The following LRP1B variants were observed in gnomAD, a reference collection of about 807,000 sequenced individuals.
LRP1B encodes LDL receptor related protein 1B, also known as low-density lipoprotein receptor-related protein 1B.
In LRP1B, 217 loss-of-function variants were observed where a neutral mutation model predicts 556.6. The observed-to-expected ratio is 0.39, with a 90% CI of 0.35 to 0.44. LRP1B has a LOEUF of 0.44. Ranked by LOEUF, LRP1B falls within the 20% of genes least tolerant of loss-of-function variation. LRP1B has a pLI of 1.00. For missense variants in LRP1B, 5,053 were observed against 5,620.8 expected (o/e 0.90, Z 3.23); for synonymous variants, 2,047 against 1,865.8 (o/e 1.10, Z -2.50).
rs1687808165 is a variant in LRP1B, at chr2:140,472,431, G to C, written c.9625+2707C>G. On this transcript the variant is annotated intron_variant, in intron 60 of 90. Coordinates refer to ENST00000389484, the MANE Select transcript of LRP1B (RefSeq NM_018557.3). The stretch of plus-strand genomic sequence containing the variant: ...AGTGATACAGAGAAATAAAGATTAG[G>C]GAGAGGTTCATGTGACTAAGATTGC... 2.6e-5 allele frequency among the ~76,000 whole-genome samples: 4 copies of C among 151,968 alleles called. No individual in the cohort carries two copies. The South Asian group carries it at 6.2e-4, about 24-fold the overall frequency.
intron 1 of LRP1B, among the ~76,000 whole-genome samples, chr2:141,993,711 C>A (rs1702407235): frequency 6.6e-6 from 1 of 152,100 alleles, no homozygotes; most frequent in Admixed American, 6.6e-5. Flanking sequence ...AAATGTCAGT[C>A]CTATAGGTGA....
chr2:140,373,185 C>T lies in LRP1B; in HGVS notation c.10639-48G>A, dbSNP rs753472789. ...AATCAAAATTAAAATTTTAGAAACA[C>T]TTCTACACACTCAAAAGACAAGAAA... is the stretch of plus-strand genomic sequence containing the variant. On this transcript the variant is annotated intron_variant, in intron 68 of 90. Transcript: ENST00000389484. 11 of 1,506,396 alleles carry T rather than the reference C, an allele frequency of 7.3e-6. No individual in the cohort carries two copies. The South Asian group carries it at 1.0e-4, about 14-fold the overall frequency. The allele number at this position is 1,506,396 out of a possible 1,614,324, so 93.3% of individuals were successfully genotyped here. A position where few individuals can be genotyped will look rare whatever the true frequency, so the allele number is the denominator to read the frequency against.
At chr2:141,686,001 T>C (rs1691288292) in intron 2 of LRP1B, among the ~76,000 whole-genome samples, 2 of 152,078 alleles carry the variant, frequency 1.3e-5, no homozygotes, top group Admixed American at 6.6e-5. Context: ...TGTTTTCATA[T>C]GGAAAACAAA....
chr2:141,137,452 A>C (rs1701518565), intron 7 of LRP1B, among the ~76,000 whole-genome samples: 1 of 151,978 alleles, frequency 6.6e-6, no homozygotes, highest in Non-Finnish European at 1.5e-5. Flanking sequence ...AAAGGTTTCC[A>C]GGAACTGCTT....
rs569296877 is a variant in LRP1B at position 140,506,698 on chromosome 2, G to A, written c.8521+98C>T. On this transcript the variant is annotated intron_variant, in intron 53 of 90. Coordinates refer to ENST00000389484, the MANE Select transcript of LRP1B (RefSeq NM_018557.3). ...ATTCACTGGGTGTTGATGACACTAA[G>A]AAATGTGTTGCTTGTTGCTTTAGTT... 56 of 1,290,528 alleles carry A rather than the reference G, an allele frequency of 4.3e-5. No homozygotes were observed. The African/African-American group carries it at 6.9e-4, about 16-fold the overall frequency. The allele number at this position is 1,290,528 out of a possible 1,614,324, so 79.9% of individuals were successfully genotyped here.
chr2:141,594,864 T>C (rs558307289), intron 2 of LRP1B, among the ~76,000 whole-genome samples: 1 of 152,286 alleles, frequency 6.6e-6, no homozygotes, highest in Non-Finnish European at 1.5e-5. Flanking sequence ...GTATGCCATC[T>C]TATTGTCAAG....
chr2:140,514,789 A>T lies in LRP1B; in HGVS notation c.8150-17T>A, dbSNP rs1558935655. On this transcript the variant is annotated splice_polypyrimidine_tract_variant and intron_variant, in intron 50 of 90. Transcript: ENST00000389484. ...AAGAAGAATCTAGGAAACAAACAAA[A>T]GGAAAAAAAAAAATAGTTTGAGACC... 6.2e-7 allele frequency: 1 copy of T among 1,600,982 alleles called. No homozygotes were observed. Among genetic ancestry groups the T allele is most frequent in the Non-Finnish European group, 8.5e-7 (1 of 1,173,778 alleles).
intron 66 of LRP1B, among the ~76,000 whole-genome samples, chr2:140,436,211 C>T (rs896238119): frequency 6.6e-6 from 1 of 152,014 alleles, no homozygotes; most frequent in Admixed American, 6.6e-5. Context: ...AAAATAAGTT[C>T]CCCACCCTAC....
chr2:142,065,650 T>C (rs1162473458), intron 1 of LRP1B, among the ~76,000 whole-genome samples: 1 of 151,378 alleles, frequency 6.6e-6, no homozygotes, highest in Admixed American at 6.6e-5. Context: ...AATTAGGATG[T>C]GGAGATCTTT....
chr2:142,030,219 G>A (rs891639381), intron 1 of LRP1B, among the ~76,000 whole-genome samples: 2 of 151,932 alleles, frequency 1.3e-5, no homozygotes, highest in African/African-American at 4.8e-5. Context: ...CATAAAACCA[G>A]TTGCAATTAT....
At chr2:140,700,793 C>T (rs1452552317) in intron 40 of LRP1B, among the ~76,000 whole-genome samples, 172 bp from the exon 41 acceptor site, 1 of 152,208 alleles carries the variant, frequency 6.6e-6, no homozygotes, top group Non-Finnish European at 1.5e-5. Flanking sequence ...TAAAAAATCA[C>T]AGCAGTTTAA....
chr2:142,020,815 A>C (rs1019396073), intron 1 of LRP1B, among the ~76,000 whole-genome samples: 2 of 152,222 alleles, frequency 1.3e-5, no homozygotes, highest in Non-Finnish European at 2.9e-5. Context: ...GTGGTCATAC[A>C]TCTTCTAATT....
At position 140,959,945 on chromosome 2, in the gene LRP1B, C is replaced by T. The variant is rs1048577535; in HGVS notation, c.2888-8005G>A. Among the ~76,000 whole-genome samples, 4 of 151,610 alleles carry T rather than the reference C, an allele frequency of 2.6e-5. No homozygotes were observed. The East Asian group carries it at 7.7e-4, about 29-fold the overall frequency. ...AGCACAAGGAATAGACACTTCAGGG[C>T]CCTGAAGTAGTAGTGAGGTTGCCTG... On this transcript the variant is annotated intron_variant, in intron 18 of 90. Transcript: ENST00000389484.
intron 41 of LRP1B, among the ~76,000 whole-genome samples, chr2:140,645,138 G>A (rs775068699): frequency 1.4e-4 from 21 of 151,790 alleles, no homozygotes; most frequent in Non-Finnish European, 4.4e-5. Context: ...GGTCTAATTT[G>A]GATTTTACCA....
At position 140,233,170 on chromosome 2, in the gene LRP1B, TA is replaced by T. The variant is rs1186194555; in HGVS notation, c.*15del. 6.5e-7 allele frequency: 1 copy of T among 1,543,442 alleles called. No individual in the cohort carries two copies. The highest frequency in any genetic ancestry group is 8.9e-7 in the Non-Finnish European group (1 of 1,123,730). On this transcript the variant is annotated 3_prime_UTR_variant, in exon 91 of 91. Transcript: ENST00000389484. Reference sequence around the variant, plus strand: ...ATATTTTATACATTTATACAGCATATAAAAGATATCACTGATTATGCCACTG... The same window carrying T: ...ATATTTTATACATTTATACAGCATATAAAGATATCACTGATTATGCCACTG...
chr2:140,919,604 C>T (rs1694679203), intron 21 of LRP1B, among the ~76,000 whole-genome samples: 1 of 152,034 alleles, frequency 6.6e-6, no homozygotes, highest in African/African-American at 2.4e-5. Flanking sequence ...ATCTGAGCAC[C>T]CATTCATTTC....
intron 87 of LRP1B, among the ~76,000 whole-genome samples, chr2:140,245,891 T>A (rs1201254357): frequency 1.3e-5 from 2 of 151,216 alleles, no homozygotes; most frequent in Non-Finnish European, 3.0e-5. Flanking sequence ...GCACACAAAT[T>A]CTAAGATCAA....
At position 141,049,081 on chromosome 2, in the gene LRP1B, G is replaced by C. The variant is rs2105445799; in HGVS notation, c.1694C>G (p.Ala565Gly). The C allele has an allele frequency of 6.2e-7, 1 of 1,613,632 alleles. No individual in the cohort carries two copies. ...LVNPRALDFH[A>G]ETNYIYFADT... Reference sequence around the variant, plus strand: ...AGCAAAGTAGATGTAATTGGTTTCTGCGTGAAAGTCTAAAGCACGAGGGTT... The same window carrying C: ...AGCAAAGTAGATGTAATTGGTTTCTCCGTGAAAGTCTAAAGCACGAGGGTT... The change falls in exon 11 of 91, where the codon GCA becomes GGA. Residue 565 changes from alanine to glycine, a missense_variant. Ala to Gly is a moderately conservative substitution (Grantham distance 60, BLOSUM62 0). This residue lies in a region of LRP1B where 3,619 missense variants were observed against 3,931.9 expected (regional missense o/e 0.92). Transcript: ENST00000389484.
At chr2:140,331,690 T>C (rs1003133430) in intron 79 of LRP1B, among the ~76,000 whole-genome samples, 2 of 120,710 alleles carry the variant, frequency 1.7e-5, no homozygotes, top group African/African-American at 6.8e-5. Flanking sequence ...TATATACATA[T>C]ATATATATAT....
Sources: gnomAD v4.1 joint callset for allele counts (sites outside exome capture counted in the v4.1 genomes callset) on GRCh38, gnomAD v4.1.1 for gene constraint, gnomAD v4.1.1 regional missense constraint, MANE v1.5 for transcripts, NCBI Gene and HGNC (gene_info 2026-07-23, HGNC 2026-07-21) for gene names.